The following ACYP2 variants were observed in gnomAD, a reference collection of about 807,000 sequenced individuals.
The protein encoded by ACYP2 is acylphosphatase 2.
ACYP2 carries 12 observed loss-of-function variants against 11.2 expected under a neutral mutation model. The ratio of observed to expected loss-of-function variants is 1.08; its 90% CI spans 0.69 to 1.74. ACYP2 has a LOEUF of 1.74. Among genes scored for constraint, ACYP2 ranks in the 40% most tolerant of loss-of-function variants. The pLI, the probability that ACYP2 is intolerant of heterozygous loss-of-function variation, is 0.00. For missense variants in ACYP2, 134 were observed against 101.9 expected, an observed-to-expected ratio of 1.31 and a Z score of -1.35; for synonymous variants, 43 against 32.2, an observed-to-expected ratio of 1.33 and a Z score of -1.13.
At position 54,141,855 on chromosome 2, in the gene ACYP2, G is replaced by A. The variant is rs926498259; in HGVS notation, c.404+3107G>A. ...AACTTTATGTATTTATTTATTTTTT[G>A]AGACAAGGGTCTTGCTCTCTCTCCT... On this transcript the variant is annotated intron_variant, in intron 6 of 6. Coordinates refer to ENST00000607452, the MANE Select transcript of ACYP2 (RefSeq NM_001320586.2). 5.4e-5 allele frequency: 32 copies of A among 587,942 alleles called. No individual in the cohort carries two copies. The African/African-American group carries it at 5.8e-4, about 11-fold the overall frequency. The allele number at this position is 587,942 out of a possible 1,614,324, so 36.4% of individuals were successfully genotyped here. A position where few individuals can be genotyped will look rare whatever the true frequency, so the allele number is the denominator to read the frequency against.
chr2:53,981,778 A>T (rs1221815067), intron 2 of ACYP2, among the ~76,000 whole-genome samples: 2 of 152,194 alleles, frequency 1.3e-5, no homozygotes, highest in African/African-American at 4.8e-5. Context: ...CATATAGCCA[A>T]GGTGTATAAT....
chr2:54,095,307 A>G (rs1678464089), intron 4 of ACYP2, among the ~76,000 whole-genome samples: 1 of 152,178 alleles, frequency 6.6e-6, no homozygotes, highest in African/African-American at 2.4e-5. Context: ...CACGGCAACC[A>G]TCCGATTTCT....
intron 6 of ACYP2, among the ~76,000 whole-genome samples, chr2:54,251,845 G>T (rs1687240349): frequency 6.6e-6 from 1 of 152,172 alleles, no homozygotes; most frequent in African/African-American, 2.4e-5. Flanking sequence ...CATGCTTACT[G>T]CCCATTATAA....
chr2:54,126,143 G>A (rs1028243806), intron 4 of ACYP2, among the ~76,000 whole-genome samples: 3 of 152,016 alleles, frequency 2.0e-5, no homozygotes, highest in Admixed American at 1.3e-4. Context: ...AAAACACAAC[G>A]GAAACTTCAT....
chr2:54,002,492 CA>C (rs1194014773), intron 2 of ACYP2, among the ~76,000 whole-genome samples: 2 of 150,146 alleles, frequency 1.3e-5, no homozygotes, highest in African/African-American at 4.9e-5. Flanking sequence ...ATTATAAGTG[CA>C]CACCACCATG....
At chr2:54,065,406 A>G (rs1219031128) in intron 4 of ACYP2, 1 of 398,476 alleles carries the variant, frequency 2.5e-6, no homozygotes, top group East Asian at 3.6e-5. Context: ...GCTTTTATAT[A>G]CATACATAAA....
chr2:54,179,152 T>A (rs1176777443), intron 6 of ACYP2, among the ~76,000 whole-genome samples: 1 of 149,294 alleles, frequency 6.7e-6, no homozygotes, highest in Non-Finnish European at 1.5e-5. Flanking sequence ...TTAAATGAAG[T>A]TTTTTGAGAA....
intron 6 of ACYP2, among the ~76,000 whole-genome samples, chr2:54,197,857 G>A (rs1684557284): frequency 6.6e-6 from 1 of 152,030 alleles, no homozygotes; most frequent in Non-Finnish European, 1.5e-5. Flanking sequence ...TTCCTACACT[G>A]GAGGGTTTTA....
At chr2:54,258,078 G>A (rs569880810) in intron 6 of ACYP2, among the ~76,000 whole-genome samples, 8 of 152,238 alleles carry the variant, frequency 5.3e-5, no homozygotes, top group South Asian at 4.1e-4. Context: ...TGGATATAAC[G>A]GTGAACAGAC....
intron 6 of ACYP2, among the ~76,000 whole-genome samples, chr2:54,144,174 C>T (rs973822240): frequency 1.7e-4 from 26 of 151,812 alleles, no homozygotes; most frequent in African/African-American, 5.8e-4. Flanking sequence ...GGTCTCATTA[C>T]GTTGCCCAGG....
At chr2:54,295,309 G>A (rs959309027) in intron 6 of ACYP2, among the ~76,000 whole-genome samples, 5 of 152,222 alleles carry the variant, frequency 3.3e-5, no homozygotes, top group African/African-American at 1.2e-4. Flanking sequence ...GGCCTCCAAT[G>A]TTCTTTAAGA....
intron 6 of ACYP2, among the ~76,000 whole-genome samples, chr2:54,219,098 A>T (rs2103945368): frequency 6.6e-6 from 1 of 152,326 alleles, no homozygotes; most frequent in Non-Finnish European, 1.5e-5. Flanking sequence ...TGAAGATTTC[A>T]ACAAATCAAG....
At chr2:54,079,057 T>C (rs1361258253) in intron 4 of ACYP2, among the ~76,000 whole-genome samples, 1 of 152,204 alleles carries the variant, frequency 6.6e-6, no homozygotes, top group Non-Finnish European at 1.5e-5. Flanking sequence ...AGTATTAGAA[T>C]CAAATATCTC....
chr2:54,225,307 G>C (rs1200258177), intron 6 of ACYP2, among the ~76,000 whole-genome samples: 1 of 151,976 alleles, frequency 6.6e-6, no homozygotes, highest in Non-Finnish European at 1.5e-5. Context: ...ATTGTGACAG[G>C]GTCTGGCATG....
At chr2:54,284,894 G>A (rs2104125969) in intron 6 of ACYP2, among the ~76,000 whole-genome samples, 1 of 152,312 alleles carries the variant, frequency 6.6e-6, no homozygotes, top group South Asian at 2.1e-4. Context: ...CCATGAGACT[G>A]TTGAGACCCC....
chr2:54,219,881 G>GTGTGTATATATATA (rs1222539416), intron 6 of ACYP2, among the ~76,000 whole-genome samples: 3 of 99,482 alleles, frequency 3.0e-5, no homozygotes, highest in African/African-American at 3.9e-5. Flanking sequence ...GTGTGTGTGT[G>GTGTGTATATATATA]TATATATATA....
At chr2:54,225,271 T>C (rs955246895) in intron 6 of ACYP2, among the ~76,000 whole-genome samples, 1 of 152,082 alleles carries the variant, frequency 6.6e-6, no homozygotes, top group African/African-American at 2.4e-5. Context: ...GGGTGGAGCA[T>C]GGTTGGAGCA....
intron 2 of ACYP2, among the ~76,000 whole-genome samples, chr2:54,027,513 C>G (rs1009097775): frequency 3.3e-5 from 5 of 152,154 alleles, no homozygotes; most frequent in Non-Finnish European, 5.9e-5. Flanking sequence ...TAAAAATACA[C>G]AGTTTTTCTG....
intron 6 of ACYP2, among the ~76,000 whole-genome samples, chr2:54,180,664 C>T (rs1683666079): frequency 6.6e-6 from 1 of 152,116 alleles, no homozygotes; most frequent in Non-Finnish European, 1.5e-5. Context: ...AAACAATCCT[C>T]CCACCTCAGC....
Sources: gnomAD v4.1 joint callset for allele counts (sites outside exome capture counted in the v4.1 genomes callset) on GRCh38, gnomAD v4.1.1 for gene constraint, MANE v1.5 for transcripts, NCBI Gene and HGNC (gene_info 2026-07-23, HGNC 2026-07-21) for gene names.